The following PTPRZ1 variants were observed in gnomAD, a reference collection of about 807,000 sequenced individuals.
The protein encoded by PTPRZ1 is protein tyrosine phosphatase receptor type Z1.
A neutral mutation model predicts 214.1 loss-of-function variants in PTPRZ1; 82 were observed. The ratio of observed to expected loss-of-function variants is 0.38; its 90% CI spans 0.32 to 0.46. The LOEUF (loss-of-function observed/expected upper bound fraction) is 0.46. Ranked by LOEUF, PTPRZ1 falls within the 20% of genes least tolerant of loss-of-function variation. The pLI is 1.00. For synonymous variants in PTPRZ1, 945 were observed against 987.9 expected, an observed-to-expected ratio of 0.96 and a Z score of 0.81; for missense variants, 2,603 against 2,748.7, an observed-to-expected ratio of 0.95 and a Z score of 1.19.
intron 1 of PTPRZ1, among the ~76,000 whole-genome samples, chr7:121,899,558 G>T (rs568765920): frequency 3.9e-4 from 60 of 152,204 alleles, no homozygotes; most frequent in Non-Finnish European, 7.4e-4. Context: ...GTTTCTTTCA[G>T]GCTATCTCTC....
rs1253852623 is a variant in PTPRZ1 at position 122,010,503 on chromosome 7, G to A, written c.1457G>A (p.Gly486Glu). The A allele has an allele frequency of 2.5e-6, 4 of 1,613,868 alleles. No homozygotes were observed. Among genetic ancestry groups the A allele is most frequent in the Non-Finnish European group, 3.4e-6 (4 of 1,179,920 alleles). ...AAGACTAACCGATCCCCAACAAGAG[G>A]AAGTGAATTCTCTGGAAAGGGTGAT... is the stretch of plus-strand genomic sequence containing the variant. Reference protein sequence around the residue: ...EAKTNRSPTRGSEFSGKGDVP... With the variant: ...EAKTNRSPTRESEFSGKGDVP... Residue 486 changes from glycine to glutamate, a missense_variant, in exon 12 of 30, where the codon GGA becomes GAA. Coordinates refer to ENST00000393386, the MANE Select transcript of PTPRZ1 (RefSeq NM_002851.3).
chr7:122,000,637 G>T (rs1798287850), intron 10 of PTPRZ1, among the ~76,000 whole-genome samples: 2 of 106,654 alleles, frequency 1.9e-5, no homozygotes, highest in South Asian at 3.0e-4. Flanking sequence ...GTCATTCTTT[G>T]ATAGATTTCA....
intron 2 of PTPRZ1, among the ~76,000 whole-genome samples, chr7:121,933,457 T>C (rs531147085): frequency 6.6e-6 from 1 of 152,296 alleles, no homozygotes; most frequent in Non-Finnish European, 1.5e-5. Context: ...TTCTCAGGTA[T>C]TCTTAAAACC....
At chr7:121,894,488 C>A (rs1563005187) in intron 1 of PTPRZ1, among the ~76,000 whole-genome samples, 1 of 152,122 alleles carries the variant, frequency 6.6e-6, no homozygotes, top group South Asian at 2.1e-4. Context: ...TCACCACAAC[C>A]TCCACCTCCC....
At chr7:121,892,873 G>A (rs2116223603) in intron 1 of PTPRZ1, among the ~76,000 whole-genome samples, 1 of 151,516 alleles carries the variant, frequency 6.6e-6, no homozygotes, top group South Asian at 2.1e-4. Flanking sequence ...TTTTCTGCAT[G>A]GTAGTGGGTA....
At chr7:121,943,560 G>A (rs980950193) in intron 2 of PTPRZ1, among the ~76,000 whole-genome samples, 5 of 151,958 alleles carry the variant, frequency 3.3e-5, no homozygotes, top group South Asian at 2.1e-4. Context: ...GGATGGTCTC[G>A]ATCTCCTGAC....
intron 2 of PTPRZ1, among the ~76,000 whole-genome samples, chr7:121,929,238 T>A (rs545798205): frequency 6.6e-6 from 1 of 152,268 alleles, no homozygotes; most frequent in East Asian, 1.9e-4. Context: ...GTTTTTATTA[T>A]CCAAAATTTA....
intron 23 of PTPRZ1, among the ~76,000 whole-genome samples, chr7:122,050,568 AAACTT>A (rs1317230253): frequency 6.6e-6 from 1 of 152,114 alleles, no homozygotes; most frequent in African/African-American, 2.4e-5. Flanking sequence ...AATTTGCAGA[AAACTT>A]AAATAAGAAA....
At position 121,912,556 on chromosome 7, in the gene PTPRZ1, A is replaced by G. The variant is rs550368719; in HGVS notation, c.59-15600A>G. 8.5e-5 allele frequency among the ~76,000 whole-genome samples: 13 copies of G among 152,286 alleles called. No homozygotes were observed. The South Asian group carries it at 2.3e-3, about 27-fold the overall frequency. ...AAAATGCATGGAAATATAGATGCTT[A>G]GTGCATTTGGTAAAGAAGCGGGTGA... On this transcript the variant is annotated intron_variant, in intron 1 of 29. Coordinates refer to ENST00000393386, the MANE Select transcript of PTPRZ1 (RefSeq NM_002851.3).
chr7:121,873,588 C>T (rs1449035260), intron 1 of PTPRZ1, 31 bp downstream of exon 1: 2 of 1,611,402 alleles, frequency 1.2e-6, no homozygotes, highest in African/African-American at 1.3e-5. Flanking sequence ...GGGGTTTCAG[C>T]TCCGGGATCG....
At chr7:122,023,162 C>T (rs1225197488) in intron 13 of PTPRZ1, among the ~76,000 whole-genome samples, 2 of 151,924 alleles carry the variant, frequency 1.3e-5, no homozygotes, top group Non-Finnish European at 2.9e-5. Flanking sequence ...AAATTAATCT[C>T]AAAGTTTTAT....
chr7:121,924,996 G>A (rs1156719329), intron 1 of PTPRZ1, among the ~76,000 whole-genome samples: 1 of 152,162 alleles, frequency 6.6e-6, no homozygotes, highest in Non-Finnish European at 1.5e-5. Flanking sequence ...TGCTATAGAG[G>A]CTCCTGCTGA....
intron 4 of PTPRZ1, among the ~76,000 whole-genome samples, chr7:121,975,209 A>T (rs991742120): frequency 2.6e-5 from 4 of 152,180 alleles, no homozygotes; most frequent in Non-Finnish European, 1.5e-5. Context: ...CAAAAGCCTT[A>T]TCAGTTTTTC....
intron 4 of PTPRZ1, 50 bp downstream of exon 4, chr7:121,972,742 G>A: frequency 7.5e-7 from 1 of 1,328,110 alleles, no homozygotes; most frequent in Non-Finnish European, 1.0e-6. Flanking sequence ...AATAATTGAT[G>A]TTTTTATTTA....
At chr7:122,025,943 G>A (rs1799196949) in intron 13 of PTPRZ1, among the ~76,000 whole-genome samples, 1 of 152,132 alleles carries the variant, frequency 6.6e-6, no homozygotes, top group East Asian at 1.9e-4. Flanking sequence ...AACAGGGTGT[G>A]GACCACAGAC....
chr7:122,034,442 T>C (rs1471956855), intron 17 of PTPRZ1, 64 bp downstream of exon 17: 9 of 1,447,000 alleles, frequency 6.2e-6, no homozygotes, highest in African/African-American at 1.4e-5. Flanking sequence ...CTTTTAAAAG[T>C]GTCCTGAAGT....
Position 122,054,932 on chromosome 7 carries a change from A to C in PTPRZ1, c.6382-9A>C, listed in dbSNP as rs1321996401. On this transcript the variant is annotated splice_polypyrimidine_tract_variant and intron_variant, in intron 26 of 29. Coordinates refer to ENST00000393386, the MANE Select transcript of PTPRZ1 (RefSeq NM_002851.3). ...AATCTAGACTCTTCTTTCATTTGCA[A>C]TTCTGCAGGCAGAAGATGAATTTGT... 1.9e-6 allele frequency: 3 copies of C among 1,580,966 alleles called. No individual in the cohort carries two copies. The highest frequency in any genetic ancestry group is 1.7e-6 in the Non-Finnish European group (2 of 1,167,126).
intron 27 of PTPRZ1, 98 bp from the exon 28 acceptor site, chr7:122,058,701 TG>T (rs1792459654): frequency 9.9e-7 from 1 of 1,009,460 alleles, no homozygotes; most frequent in African/African-American, 1.6e-5. Context: ...TGCCTGCCAT[TG>T]GGTTTTATTA....
Position 121,976,773 on chromosome 7 carries a change from CT to C in PTPRZ1, c.553-6del, listed in dbSNP as rs1563046848. On this transcript the variant is annotated splice_polypyrimidine_tract_variant and intron_variant, in intron 5 of 29. Transcript: ENST00000393386. ...TTTATTCTTTTTTTAGAATGTGATTCTTTTTTAACAGGTTGGGACAGAAGAA... is the reference window on the plus strand; with the variant it reads ...TTTATTCTTTTTTTAGAATGTGATTCTTTTTAACAGGTTGGGACAGAAGAA... 1.3e-6 allele frequency: 2 copies of C among 1,575,444 alleles called. No homozygotes were observed. The highest frequency in any genetic ancestry group is 1.7e-6 in the Non-Finnish European group (2 of 1,158,514).
Sources: gnomAD v4.1 joint callset for allele counts (sites outside exome capture counted in the v4.1 genomes callset) on GRCh38, gnomAD v4.1.1 for gene constraint, MANE v1.5 for transcripts, NCBI Gene and HGNC (gene_info 2026-07-23, HGNC 2026-07-21) for gene names.